Variants in NTN5 observed in about 807,000 individuals in gnomAD.
The protein encoded by NTN5 is netrin 5, also known as netrin-5.
NTN5 carries 42 observed loss-of-function variants against 38.7 expected under a neutral mutation model. The ratio of observed to expected loss-of-function variants is 1.08; its 90% CI spans 0.85 to 1.40. The LOEUF is 1.40. NTN5 is among the 40% of genes most tolerant of loss of function. The pLI is 0.00. For missense variants in NTN5, 658 were observed against 716.5 expected (o/e 0.92, Z 0.93); for synonymous variants, 329 against 303.9 (o/e 1.08, Z -0.86).
At position 48,661,844 on chromosome 19, in the gene NTN5, C is replaced by A; in HGVS notation, c.1303G>T (p.Ala435Ser). 2 of 1,335,612 alleles carry A rather than the reference C, an allele frequency of 1.5e-6. No homozygotes were observed. Among genetic ancestry groups the A allele is most frequent in the Non-Finnish European group, 1.9e-6 (2 of 1,047,254 alleles). The allele number at this position is 1,335,612 out of a possible 1,614,324, so 82.7% of individuals were successfully genotyped here. A position where few individuals can be genotyped will look rare whatever the true frequency, so the allele number is the denominator to read the frequency against. Residue 435 changes from alanine to serine, a missense_variant, in exon 7 of 7, where the codon GCC becomes TCC. By Grantham distance (99) the Ala-to-Ser change is moderately conservative. Transcript: ENST00000270235. ...PGTDYLLLGS[A>S]VGDPDPTRLI... ...CGCGTGGGGTCGGGGTCGCCCACGG[C>A]GCTGCCCAGCAGCAGGTAGTCGGTG...
rs1370531963 is a variant in NTN5 at position 48,666,546 on chromosome 19, G to A, written c.632-1779C>T. ...GTGAGACCTTGTCTTTAAAAAAGAA[G>A]CAAAAATCCAAAACAACAACAAAAG... is the stretch of plus-strand genomic sequence containing the variant. On this transcript the variant is annotated intron_variant, in intron 2 of 6. Transcript: ENST00000270235. Among the ~76,000 whole-genome samples the A allele has an allele frequency of 4.6e-5, 7 of 151,686 alleles. 1 individual carries two copies. Among genetic ancestry groups the A allele is most frequent in the South Asian group, 4.2e-4 (2 of 4,798 alleles).
rs752844872 is a variant in NTN5 at position 48,670,392 on chromosome 19, G to A, written c.595C>T (p.Arg199Trp). ...CRPSHRDWPW[R>W]PATPRHPHPC... ...TGGGGGTGCCGGGGCGTGGCAGGCCGCCAGGGCCAGTCTCGATGGGACGGG... is the reference window on the plus strand; with the variant it reads ...TGGGGGTGCCGGGGCGTGGCAGGCCACCAGGGCCAGTCTCGATGGGACGGG... Residue 199 changes from arginine (R) to tryptophan (W), a missense_variant, in exon 2 of 7, where the codon CGG becomes TGG. By Grantham distance (101) the Arg-to-Trp change is moderately radical (BLOSUM62 -3). Coordinates refer to ENST00000270235, the MANE Select transcript of NTN5 (RefSeq NM_145807.4). 40 of 1,418,312 alleles carry A rather than the reference G, an allele frequency of 2.8e-5. 1 individual carries two copies. Among genetic ancestry groups the A allele is most frequent in the South Asian group, 1.7e-4 (11 of 64,198 alleles). The allele number at this position is 1,418,312 out of a possible 1,614,324, so 87.9% of individuals were successfully genotyped here. A position where few individuals can be genotyped will look rare whatever the true frequency, so the allele number is the denominator to read the frequency against.
At position 48,670,823 on chromosome 19, in the gene NTN5, A is replaced by T; in HGVS notation, c.164T>A (p.Leu55His). The change falls in exon 2 of 7, where the codon CTT becomes CAT. Residue 55 changes from leucine (L) to histidine (H), a missense_variant. Leu to His is a moderately conservative substitution (Grantham distance 99, BLOSUM62 -3). Coordinates refer to ENST00000270235, the MANE Select transcript of NTN5 (RefSeq NM_145807.4). ...QACALSPGNH[L>H]GARETCNGSL... ...GCCATTGCAGGTTTCCCTGGCGCCA[A>T]GGTGGTTTCCTGGGGACAGGGCACA... 6.2e-7 allele frequency: 1 copy of T among 1,613,068 alleles called. No homozygotes were observed. The highest frequency in any genetic ancestry group is 8.5e-7 in the Non-Finnish European group (1 of 1,179,954).
intron 1 of NTN5, among the ~76,000 whole-genome samples, chr19:48,672,068 C>T (rs972406270): frequency 6.6e-6 from 1 of 152,132 alleles, no homozygotes; most frequent in Non-Finnish European, 1.5e-5. Flanking sequence ...CTATTCTGGG[C>T]CTCAGGGCCT....
Position 48,663,494 on chromosome 19 carries a change from CA to C in NTN5, c.1073del (p.Met358ArgfsTer18), listed in dbSNP as rs1156714331. On this transcript the variant is annotated frameshift_variant, in exon 6 of 7. Transcript: ENST00000270235. LOFTEE classifies it low-confidence loss of function (END_TRUNC). Reference protein sequence around the residue: ...YCNMSDTRVHMSLRRYCQQDH... With the variant: ...YCNMSDTRVHXSLRRYCQQDH... ...CCTGCTGGCAGTACCTCCGAAGGCT[CA>C]TGTGTACCCTGGTGTCCGACATATT... 1 of 1,614,092 alleles carries C rather than the reference CA, an allele frequency of 6.2e-7. No individual in the cohort carries two copies. Among genetic ancestry groups the C allele is most frequent in the Non-Finnish European group, 8.5e-7 (1 of 1,180,036 alleles).
At chr19:48,667,847 C>T (rs2031744501) in intron 2 of NTN5, among the ~76,000 whole-genome samples, 1 of 151,780 alleles carries the variant, frequency 6.6e-6, no homozygotes, top group Admixed American at 6.6e-5. Context: ...CAGAGCAAGA[C>T]TCCATCTCAA....
rs1015438604 is a variant in NTN5 at position 48,664,843 on chromosome 19, C to T, written c.632-76G>A. On this transcript the variant is annotated intron_variant, in intron 2 of 6. Coordinates refer to ENST00000270235, the MANE Select transcript of NTN5 (RefSeq NM_145807.4). Reference sequence around the variant, plus strand: ...CAGTCCTCAGCTTTCTTCCCATGGCCCTGCCCTCATGAAAGGAAGCCGTGA... The same window carrying T: ...CAGTCCTCAGCTTTCTTCCCATGGCTCTGCCCTCATGAAAGGAAGCCGTGA... 9.7e-5 allele frequency: 127 copies of T among 1,305,160 alleles called. No individual in the cohort carries two copies. The Middle Eastern group carries it at 1.7e-3, about 18-fold the overall frequency. The allele number at this position is 1,305,160 out of a possible 1,614,324, so 80.8% of individuals were successfully genotyped here.
At chr19:48,663,170 A>G (rs752306340) in intron 6 of NTN5, 5 of 541,950 alleles carry the variant, frequency 9.2e-6, no homozygotes, top group East Asian at 9.2e-5. Context: ...CCACTCAACC[A>G]GTTCCCCTAT....
intron 2 of NTN5, among the ~76,000 whole-genome samples, chr19:48,669,438 C>T (rs1307317023): frequency 5.1e-5 from 2 of 39,180 alleles, no homozygotes; most frequent in South Asian, 8.7e-4. Context: ...ATCACCACCA[C>T]CACCACCATC....
At chr19:48,663,168 C>T (rs2031593829) in intron 6 of NTN5, 1 of 536,974 alleles carries the variant, frequency 1.9e-6, no homozygotes, top group Non-Finnish European at 3.6e-6. Flanking sequence ...TTCCACTCAA[C>T]CAGTTCCCCT....
intron 2 of NTN5, among the ~76,000 whole-genome samples, chr19:48,666,594 A>G (rs1178919633): frequency 6.6e-6 from 1 of 150,594 alleles, no homozygotes; most frequent in Non-Finnish European, 1.5e-5. Context: ...GCTCCTCCCT[A>G]GGCTTTCTGA....
Position 48,661,873 on chromosome 19 carries a change from G to C in NTN5, c.1274C>G (p.Pro425Arg). ...GCCCAGCAGCAGGTAGTCGGTGCCT[G>C]GCTGCAGGCGCAGGCAGCCGCAGGT... ...DLTCGCLRLQ[P>R]GTDYLLLGSA... Residue 425 changes from proline (P) to arginine (R), a missense_variant, in exon 7 of 7, where the codon CCA becomes CGA. Physicochemically the swap from Pro to Arg is moderately radical, Grantham distance 103. Coordinates refer to ENST00000270235, the MANE Select transcript of NTN5 (RefSeq NM_145807.4). 1 of 1,345,254 alleles carries C rather than the reference G, an allele frequency of 7.4e-7. No individual in the cohort carries two copies. The highest frequency in any genetic ancestry group is 9.5e-7 in the Non-Finnish European group (1 of 1,051,130). 83.3% of individuals were successfully genotyped at this position (1,345,254 alleles called of 1,614,324 possible).
In NTN5 at chr19:48,670,327, G is replaced by T. The variant is rs539238353; in HGVS notation, c.631+29C>A. 1,189 of 1,388,348 alleles carry T rather than the reference G, an allele frequency of 8.6e-4. 18 individuals carry two copies. The highest frequency in any genetic ancestry group is 1.9e-4 in the Non-Finnish European group (199 of 1,070,468). 86.0% of individuals were successfully genotyped at this position (1,388,348 alleles called of 1,614,324 possible). On this transcript the variant is annotated intron_variant, in intron 2 of 6. Transcript: ENST00000270235. ...AGGACCCAGTGGCAGGCAGGCAAAG[G>T]CAGGGAGAGTGAGGGGCGCAGGACT...
At chr19:48,671,445 C>T (rs2031959667) in intron 1 of NTN5, among the ~76,000 whole-genome samples, 1 of 151,946 alleles carries the variant, frequency 6.6e-6, no homozygotes, top group South Asian at 2.1e-4. Context: ...AGAGAGAGGA[C>T]AGTCAGCCTA....
chr19:48,661,917 C>G lies in NTN5; in HGVS notation c.1230G>C (p.Trp410Cys). ...CGCAGGTCAGGTCGGCGCGGGGCAC[C>G]CAGGCGTCCTGGTCGCCGCGTCGCA... ...QPVRRGDQDA[W>C]VPRADLTCGC... is the part of the protein sequence containing the mutation. The change falls in exon 7 of 7, where the codon TGG becomes TGC. Residue 410 changes from tryptophan (W) to cysteine (C), a missense_variant. By Grantham distance (215) the Trp-to-Cys change is radical (BLOSUM62 -2). Coordinates refer to ENST00000270235, the MANE Select transcript of NTN5 (RefSeq NM_145807.4). The G allele has an allele frequency of 7.3e-7, 1 of 1,361,738 alleles. No homozygotes were observed. The highest frequency in any genetic ancestry group is 9.4e-7 in the Non-Finnish European group (1 of 1,060,698). 84.4% of individuals were successfully genotyped at this position (1,361,738 alleles called of 1,614,324 possible). A position where few individuals can be genotyped will look rare whatever the true frequency, so the allele number is the denominator to read the frequency against.
At chr19:48,664,049 A>G (rs2031621335) in intron 4 of NTN5, 94 bp downstream of exon 4, 4 of 1,437,384 alleles carry the variant, frequency 2.8e-6, no homozygotes, top group Non-Finnish European at 3.7e-6. Flanking sequence ...CCCAATTCCC[A>G]AGGCCCCAGC....
chr19:48,663,396 G>A, intron 6 of NTN5, 67 bp downstream of exon 6: 1 of 1,347,572 alleles, frequency 7.4e-7, no homozygotes, highest in Admixed American at 1.7e-5. Flanking sequence ...CCAGAAAGGG[G>A]GTGGCTTAGA....
At chr19:48,666,857 A>AT (rs919530945) in intron 2 of NTN5, among the ~76,000 whole-genome samples, 3 of 148,440 alleles carry the variant, frequency 2.0e-5, no homozygotes, top group South Asian at 2.2e-4. Context: ...CTACTTTAAA[A>AT]TTTTTTTTTT....
chr19:48,669,339 TCAC>T (rs2031818051), intron 2 of NTN5, among the ~76,000 whole-genome samples: 1 of 2,496 alleles, frequency 4.0e-4, no homozygotes, highest in African/African-American at 1.5e-3. Flanking sequence ...ACCACCACCA[TCAC>T]CACCACCACC....
Sources: gnomAD v4.1 joint callset for allele counts (sites outside exome capture counted in the v4.1 genomes callset) on GRCh38, gnomAD v4.1.1 for gene constraint, MANE v1.5 for transcripts, NCBI Gene and HGNC (gene_info 2026-07-23, HGNC 2026-07-21) for gene names.